QSOX1: variants seen among roughly 807,000 people sequenced by gnomAD.
QSOX1 encodes sulfhydryl oxidase 1.
In QSOX1, 40 loss-of-function variants were observed where a neutral mutation model predicts 76.1. That is an observed-to-expected ratio of 0.53 (90% confidence interval 0.41 to 0.68). The LOEUF (loss-of-function observed/expected upper bound fraction) is 0.68, where lower values mean the gene tolerates loss of function less well. Among genes scored for constraint, QSOX1 ranks in the 30% least tolerant of loss-of-function variants. The pLI, the probability that QSOX1 is intolerant of heterozygous loss-of-function variation, is 0.00. For missense variants in QSOX1, 931 were observed against 974.3 expected, an observed-to-expected ratio of 0.96 and a Z score of 0.59; for synonymous variants, 392 against 413.1, an observed-to-expected ratio of 0.95 and a Z score of 0.62.
intron 1 of QSOX1, among the ~76,000 whole-genome samples, chr1:180,158,319 C>T (rs533010152): frequency 2.0e-5 from 3 of 152,134 alleles, no homozygotes; most frequent in Non-Finnish European, 1.5e-5. Context: ...GTTGGTTTTG[C>T]CCCCCTTCTC....
At chr1:180,165,467 G>A (rs1438071994) in intron 1 of QSOX1, among the ~76,000 whole-genome samples, 1 of 152,234 alleles carries the variant, frequency 6.6e-6, no homozygotes, top group African/African-American at 2.4e-5. Flanking sequence ...CAGGCAGCCT[G>A]GTTTCTGCCA....
chr1:180,193,818 G>T (rs1285937363), intron 10 of QSOX1, among the ~76,000 whole-genome samples: 2 of 152,150 alleles, frequency 1.3e-5, no homozygotes. Flanking sequence ...AGTCGGACAG[G>T]CAGCATGAGT....
chr1:180,188,011 G>C (rs746010599), intron 8 of QSOX1, among the ~76,000 whole-genome samples: 6 of 152,062 alleles, frequency 3.9e-5, no homozygotes, highest in Non-Finnish European at 7.4e-5. Flanking sequence ...TCCTCATTCT[G>C]TTTCTCAGAG....
chr1:180,194,961 G>A (rs1323539869), intron 11 of QSOX1, among the ~76,000 whole-genome samples: 12 of 152,148 alleles, frequency 7.9e-5, no homozygotes, highest in East Asian at 5.8e-4. Context: ...TTTGTGTGTC[G>A]GGAGGGAGCG....
Position 180,197,333 on chromosome 1 carries a change from C to G in QSOX1, c.*296C>G. ...TTAGCACCACATTCCTGTTTTTCAGCTTATTTGAAGTCCTGCCTCATTCTC... is the reference window on the plus strand; with the variant it reads ...TTAGCACCACATTCCTGTTTTTCAGGTTATTTGAAGTCCTGCCTCATTCTC... On this transcript the variant is annotated 3_prime_UTR_variant, in exon 12 of 12. Transcript: ENST00000367602. 6.2e-7 allele frequency: 1 copy of G among 1,614,040 alleles called. No homozygotes were observed. Among genetic ancestry groups the G allele is most frequent in the Non-Finnish European group, 8.5e-7 (1 of 1,180,020 alleles).
At chr1:180,160,623 C>T (rs557084004) in intron 1 of QSOX1, among the ~76,000 whole-genome samples, 2 of 151,972 alleles carry the variant, frequency 1.3e-5, no homozygotes, top group Non-Finnish European at 2.9e-5. Flanking sequence ...CATTATCCTG[C>T]CAGACAAAAA....
chr1:180,165,043 GATCTAATACCTTTCACTACCTA>G (rs1662581435), intron 1 of QSOX1, among the ~76,000 whole-genome samples: 1 of 152,308 alleles, frequency 6.6e-6, no homozygotes, highest in Admixed American at 6.5e-5. Context: ...CTGCCCCCAA[GATCTAATACCTTTCACTACCTA>G]ATCTAATACC....
chr1:180,163,793 A>G (rs1463807031), intron 1 of QSOX1, among the ~76,000 whole-genome samples: 6 of 152,328 alleles, frequency 3.9e-5, no homozygotes, highest in Admixed American at 2.0e-4. Context: ...AGAATGTTGA[A>G]TAGAGATTGA....
At chr1:180,158,724 T>C (rs1662426275) in intron 1 of QSOX1, among the ~76,000 whole-genome samples, 1 of 151,930 alleles carries the variant, frequency 6.6e-6, no homozygotes, top group South Asian at 2.1e-4. Flanking sequence ...TTCTAGTCAC[T>C]AGACCACCAG....
chr1:180,175,588 C>T (rs1012477907), intron 3 of QSOX1, among the ~76,000 whole-genome samples: 2 of 152,118 alleles, frequency 1.3e-5, no homozygotes, highest in African/African-American at 2.4e-5. Context: ...TATCCAGGGC[C>T]CTAGGGTCGG....
chr1:180,176,183 A>G, intron 4 of QSOX1, 150 bp downstream of exon 4: 1 of 646,470 alleles, frequency 1.5e-6, no homozygotes, highest in South Asian at 1.9e-5. Flanking sequence ...TGCTGGAGCT[A>G]CTCCAGAACC....
intron 1 of QSOX1, among the ~76,000 whole-genome samples, chr1:180,156,955 G>A (rs1662387612): frequency 6.6e-6 from 1 of 152,176 alleles, no homozygotes; most frequent in Non-Finnish European, 1.5e-5. Context: ...GAGTGCTGGG[G>A]GGAAAGATTA....
At chr1:180,161,336 T>C (rs1204671794) in intron 1 of QSOX1, among the ~76,000 whole-genome samples, 1 of 152,190 alleles carries the variant, frequency 6.6e-6, no homozygotes, top group African/African-American at 2.4e-5. Context: ...GAATCTCAGA[T>C]TGGACTTTTA....
In QSOX1 at chr1:180,154,997, C is replaced by T; in HGVS notation, c.90C>T (p.Ala30=). The T allele has an allele frequency of 2.0e-6, 3 of 1,510,192 alleles. No individual in the cohort carries two copies. Among genetic ancestry groups the T allele is most frequent in the South Asian group, 2.5e-5 (2 of 81,454 alleles). The allele number at this position is 1,510,192 out of a possible 1,614,324, so 93.5% of individuals were successfully genotyped here. A position where few individuals can be genotyped will look rare whatever the true frequency, so the allele number is the denominator to read the frequency against. The change falls in exon 1 of 12, where the codon GCC becomes GCT. Residue 30 remains alanine (A), a synonymous_variant. Transcript: ENST00000367602. ...TCGCGGTTCCCGGCGCTAACGCGGC[C>T]CCGCGGTCGGCGCTCTATTCGCCTT... is the stretch of plus-strand genomic sequence containing the variant. The part of the protein sequence containing the change: ...WLLAVPGANA[A]PRSALYSPSD...
At chr1:180,169,796 C>T (rs576064933) in intron 2 of QSOX1, among the ~76,000 whole-genome samples, 1 of 152,328 alleles carries the variant, frequency 6.6e-6, no homozygotes, top group Admixed American at 6.5e-5. Flanking sequence ...TGGCCAGGAG[C>T]GTGAGATCCC....
chr1:180,179,736 C>A (rs991673483), intron 5 of QSOX1, among the ~76,000 whole-genome samples: 2 of 152,246 alleles, frequency 1.3e-5, no homozygotes, highest in Non-Finnish European at 2.9e-5. Context: ...ACTGCACTGT[C>A]AGCCTGAGTG....
intron 4 of QSOX1, among the ~76,000 whole-genome samples, chr1:180,177,688 A>C (rs1356776496): frequency 6.6e-6 from 1 of 152,196 alleles, no homozygotes; most frequent in Non-Finnish European, 1.5e-5. Context: ...CTCTTCTGCC[A>C]GCCTAGGGAA....
intron 7 of QSOX1, among the ~76,000 whole-genome samples, chr1:180,184,608 A>T (rs1380699246): frequency 6.6e-6 from 1 of 152,084 alleles, no homozygotes; most frequent in Non-Finnish European, 1.5e-5. Flanking sequence ...AGCATGAGAG[A>T]GCTGCTCTTC....
chr1:180,175,182 A>G, intron 2 of QSOX1, 139 bp from the exon 3 acceptor site: 1 of 800,310 alleles, frequency 1.2e-6, no homozygotes, highest in Non-Finnish European at 2.1e-6. Context: ...AAGAAAGAAA[A>G]AAGAAACAGG....
Sources: gnomAD v4.1 joint callset for allele counts (sites outside exome capture counted in the v4.1 genomes callset) on GRCh38, gnomAD v4.1.1 for gene constraint, MANE v1.5 for transcripts, NCBI Gene and HGNC (gene_info 2026-07-23, HGNC 2026-07-21) for gene names.